Variants in SOX5 observed in about 807,000 individuals in gnomAD.
SOX5 encodes the protein transcription factor SOX-5.
A neutral mutation model predicts 92.0 loss-of-function variants in SOX5; 9 were observed. That is an observed-to-expected ratio of 0.10 (90% confidence interval 0.06 to 0.17). The LOEUF (loss-of-function observed/expected upper bound fraction) is 0.17, where lower values mean the gene tolerates loss of function less well. Ranked by LOEUF, SOX5 falls within the 10% of genes least tolerant of loss-of-function variation. The pLI, the probability that SOX5 is intolerant of heterozygous loss-of-function variation, is 1.00. For missense variants in SOX5, 642 were observed against 944.5 expected, an observed-to-expected ratio of 0.68 and a Z score of 4.20; for synonymous variants, 344 against 336.3, an observed-to-expected ratio of 1.02 and a Z score of -0.25.
At chr12:23,695,647 C>T (rs1029918841) in intron 6 of SOX5, among the ~76,000 whole-genome samples, 3 of 151,918 alleles carry the variant, frequency 2.0e-5, no homozygotes, top group Non-Finnish European at 4.4e-5. Flanking sequence ...CATGCATACA[C>T]AATAAAAATA....
chr12:23,638,572 T>C (rs765231601), intron 8 of SOX5: 1 of 152,202 alleles, frequency 6.6e-6, no homozygotes, highest in African/African-American at 2.4e-5. Flanking sequence ...GTAAGGCTTA[T>C]AATAAAACAT....
At chr12:24,027,513 C>T (rs997163120) in intron 4 of SOX5, among the ~76,000 whole-genome samples, 2 of 151,974 alleles carry the variant, frequency 1.3e-5, no homozygotes, top group African/African-American at 4.8e-5. Flanking sequence ...TCCTAAATGT[C>T]TCTTAACTCT....
intron 3 of SOX5, among the ~76,000 whole-genome samples, chr12:24,261,536 G>A (rs1382798304): frequency 6.6e-6 from 1 of 152,200 alleles, no homozygotes; most frequent in East Asian, 1.9e-4. Flanking sequence ...AAAAATCTTT[G>A]AGGCCATAAA....
intron 1 of SOX5, among the ~76,000 whole-genome samples, chr12:24,378,448 G>T (rs1468698560): frequency 6.6e-6 from 1 of 152,160 alleles, no homozygotes; most frequent in Non-Finnish European, 1.5e-5. Flanking sequence ...GGTTTCCATT[G>T]TGGAAGAGAG....
chr12:24,521,787 A>T (rs1950284916), intron 1 of SOX5, among the ~76,000 whole-genome samples: 4 of 152,134 alleles, frequency 2.6e-5, no homozygotes, highest in African/African-American at 9.7e-5. Context: ...AACATACCAA[A>T]ACCTATGGGA....
intron 2 of SOX5, among the ~76,000 whole-genome samples, chr12:24,338,129 T>C (rs1172605800): frequency 3.9e-5 from 6 of 152,216 alleles, no homozygotes; most frequent in Non-Finnish European, 8.8e-5. Flanking sequence ...ATAAATCCTG[T>C]AAACCCCAGT....
chr12:23,865,521 A>C (rs1222957654), intron 2 of SOX5, among the ~76,000 whole-genome samples: 2 of 151,894 alleles, frequency 1.3e-5, no homozygotes, highest in Non-Finnish European at 2.9e-5. Context: ...TAAAAATACG[A>C]AAAATTAGCT....
intron 4 of SOX5, among the ~76,000 whole-genome samples, chr12:24,012,850 T>C (rs1200696372): frequency 6.6e-6 from 1 of 152,134 alleles, no homozygotes; most frequent in African/African-American, 2.4e-5. Context: ...ACTAGCGCAA[T>C]GGAGAACTAC....
At chr12:23,841,634 T>C (rs757404253) in intron 3 of SOX5, among the ~76,000 whole-genome samples, 1 of 152,144 alleles carries the variant, frequency 6.6e-6, no homozygotes, top group Non-Finnish European at 1.5e-5. Context: ...AAATGAGCTA[T>C]CAAGCTATAA....
intron 3 of SOX5, among the ~76,000 whole-genome samples, chr12:24,224,681 T>A (rs1961460740): frequency 6.6e-6 from 1 of 152,180 alleles, no homozygotes; most frequent in Non-Finnish European, 1.5e-5. Flanking sequence ...TCCACATTTT[T>A]AAAAAATTTC....
rs1216791053 is a variant in SOX5, at chr12:23,534,360, T to C, written c.2151A>G (p.Gly717=). Residue 717 remains glycine (G), a synonymous_variant, in exon 15 of 15, where the codon GGA becomes GGG. Transcript: ENST00000451604. ...TCTCTTCTTTGATATGTGGCTCCTC[T>C]CCTTTCACACCGTAAGTGCTCTGGA... ...PVIQSTYGVK[G]EEPHIKEEIQ... The C allele has an allele frequency of 6.2e-7, 1 of 1,614,142 alleles. No individual in the cohort carries two copies. Among genetic ancestry groups the C allele is most frequent in the Non-Finnish European group, 8.5e-7 (1 of 1,180,012 alleles).
chr12:23,674,527 G>A (rs1449895585), intron 6 of SOX5, among the ~76,000 whole-genome samples: 7 of 151,218 alleles, frequency 4.6e-5, no homozygotes, highest in South Asian at 2.1e-4. Flanking sequence ...TAGTAGAGAC[G>A]GGGTTTCACC....
chr12:24,353,148 G>A (rs563988793), intron 2 of SOX5, among the ~76,000 whole-genome samples: 1 of 152,124 alleles, frequency 6.6e-6, no homozygotes, highest in Non-Finnish European at 1.5e-5. Flanking sequence ...AAACCCCATT[G>A]GTCAAATCTT....
At chr12:23,709,627 G>T (rs923035006) in intron 6 of SOX5, among the ~76,000 whole-genome samples, 1 of 152,070 alleles carries the variant, frequency 6.6e-6, no homozygotes, top group Non-Finnish European at 1.5e-5. Context: ...AAGAATAAGG[G>T]TTTTATTATA....
chr12:23,541,975 T>C (rs965579772), intron 13 of SOX5, among the ~76,000 whole-genome samples: 3 of 152,124 alleles, frequency 2.0e-5, no homozygotes, highest in African/African-American at 7.2e-5. Context: ...TTGGGCATGG[T>C]GTCCCGCGCC....
intron 1 of SOX5, among the ~76,000 whole-genome samples, chr12:24,489,536 T>C (rs1269758167): frequency 6.6e-6 from 1 of 152,050 alleles, no homozygotes; most frequent in Non-Finnish European, 1.5e-5. Flanking sequence ...GAAAGAAGAA[T>C]AAAGAGAGAA....
intron 1 of SOX5, among the ~76,000 whole-genome samples, chr12:24,487,599 T>C (rs1275728962): frequency 6.6e-6 from 1 of 152,196 alleles, no homozygotes; most frequent in African/African-American, 2.4e-5. Flanking sequence ...TTTAAAAATA[T>C]GCAAGTTAAA....
chr12:24,403,508 C>A (rs1962229057), intron 1 of SOX5, among the ~76,000 whole-genome samples: 1 of 152,200 alleles, frequency 6.6e-6, no homozygotes, highest in Non-Finnish European at 1.5e-5. Flanking sequence ...ACACTGTGAG[C>A]ATTTTTTTAC....
chr12:24,178,828 C>A (rs965780049), intron 4 of SOX5, among the ~76,000 whole-genome samples: 5 of 152,156 alleles, frequency 3.3e-5, no homozygotes, highest in Admixed American at 6.5e-5. Flanking sequence ...AAGCAATAGT[C>A]CTATGATCAC....
Sources: allele counts gnomAD v4.1 joint callset (sites outside exome capture counted in the v4.1 genomes callset), GRCh38; gene constraint gnomAD v4.1.1; transcripts MANE v1.5; gene names NCBI Gene and HGNC (gene_info 2026-07-23, HGNC 2026-07-21).